KCNK10: variants seen among roughly 807,000 people sequenced by gnomAD.
KCNK10 encodes the protein potassium channel subfamily K member 10.
A neutral mutation model predicts 47.7 loss-of-function variants in KCNK10; 25 were observed. That is an observed-to-expected ratio of 0.52 (90% CI 0.38 to 0.73). KCNK10 has a LOEUF of 0.73. KCNK10 is among the 30% of genes least tolerant of loss of function. KCNK10 has a pLI of 0.00. For missense variants in KCNK10, 563 were observed against 714.5 expected (o/e 0.79, Z 2.42); for synonymous variants, 303 against 285.6 (o/e 1.06, Z -0.61).
intron 2 of KCNK10, among the ~76,000 whole-genome samples, chr14:88,253,889 C>T (rs1377402031): frequency 3.9e-5 from 6 of 152,214 alleles, no homozygotes; most frequent in African/African-American, 9.6e-5. Flanking sequence ...CAGAGTGAGA[C>T]GCCATCTTGG....
intron 1 of KCNK10, among the ~76,000 whole-genome samples, chr14:88,276,372 C>A (rs1465821128): frequency 1.3e-5 from 2 of 151,976 alleles, no homozygotes; most frequent in Non-Finnish European, 2.9e-5. Flanking sequence ...GCCTTGATAT[C>A]TTGATCTTCC....
rs1884521614 is a variant in KCNK10, at chr14:88,185,608, T to G, written c.1559A>C (p.Glu520Ala). Residue 520 changes from glutamate to alanine, a missense_variant, in exon 7 of 7, where the codon GAG (glutamate) becomes GCG (alanine). Transcript: ENST00000319231. The surrounding 1 kb of genome is among the most constrained non-coding windows in gnomAD (Gnocchi z 4.3). ...GGTGTCCGTGGGTATCATTCCGTTC[T>G]CCAACTCAGCGTGCTGCTGGATACA... Reference protein sequence around the residue: ...TDCIQQHAELENGMIPTDTKD... With the variant: ...TDCIQQHAELANGMIPTDTKD... 1.2e-6 allele frequency: 2 copies of G among 1,614,060 alleles called. No homozygotes were observed. The highest frequency in any genetic ancestry group is 1.7e-6 in the Non-Finnish European group (2 of 1,180,036).
chr14:88,298,962 C>T (rs1888041661), intron 1 of KCNK10, among the ~76,000 whole-genome samples: 1 of 152,144 alleles, frequency 6.6e-6, no homozygotes, highest in South Asian at 2.1e-4. Flanking sequence ...CACCCTCCAT[C>T]ACTGCCTTTT....
At position 88,293,702 on chromosome 14, in the gene KCNK10, T is replaced by A. The variant is rs188705737; in HGVS notation, c.52+29045A>T. 4.6e-3 allele frequency among the ~76,000 whole-genome samples: 698 copies of A among 151,896 alleles called. 4 individuals carry two copies. Among genetic ancestry groups the A allele is most frequent in the Non-Finnish European group, 8.4e-3 (569 of 67,984 alleles). Reference sequence around the variant, plus strand: ...TCCTTCTTCTTTTTTATGGACAGAGTCTTGCTCTGTTTACCCAGGCTAGTG... The same window carrying A: ...TCCTTCTTCTTTTTTATGGACAGAGACTTGCTCTGTTTACCCAGGCTAGTG... On this transcript the variant is annotated intron_variant, in intron 1 of 6. Transcript: ENST00000319231.
At chr14:88,321,121 C>G (rs2139808770) in intron 1 of KCNK10, among the ~76,000 whole-genome samples, 1 of 152,338 alleles carries the variant, frequency 6.6e-6, no homozygotes, top group African/African-American at 2.4e-5. Flanking sequence ...AATACCTCTT[C>G]ACTCACTCTG....
At chr14:88,205,385 A>G (rs1885235226) in intron 4 of KCNK10, among the ~76,000 whole-genome samples, 1 of 151,920 alleles carries the variant, frequency 6.6e-6, no homozygotes. Flanking sequence ...TCTGCTGTCC[A>G]TGTTCCTTCA....
chr14:88,202,789 G>C (rs1187329038), intron 4 of KCNK10, among the ~76,000 whole-genome samples: 5 of 151,808 alleles, frequency 3.3e-5, no homozygotes. Flanking sequence ...TCTTCCGGTT[G>C]CGGGGGGTGG....
chr14:88,244,178 C>A (rs915854317), intron 2 of KCNK10, among the ~76,000 whole-genome samples: 7 of 152,036 alleles, frequency 4.6e-5, no homozygotes, highest in African/African-American at 1.7e-4. Context: ...TGGCAAACAA[C>A]CAGAATTCAA....
In KCNK10 at chr14:88,183,921, C is replaced by T. The variant is rs909864376; in HGVS notation, c.*1614G>A. On this transcript the variant is annotated 3_prime_UTR_variant, in exon 7 of 7. Coordinates refer to ENST00000319231, the MANE Select transcript of KCNK10 (RefSeq NM_138317.3). Reference sequence around the variant, plus strand: ...GTAAATCCACACTGCGGGTTAGTTACGTAAAATCCCGTGAACTCTGTAAAA... The same window carrying T: ...GTAAATCCACACTGCGGGTTAGTTATGTAAAATCCCGTGAACTCTGTAAAA... The T allele has an allele frequency of 2.6e-5, 4 of 152,312 alleles. No individual in the cohort carries two copies. In the East Asian group the frequency reaches 5.6e-4, roughly 21 times the overall value. 9.4% of individuals were successfully genotyped at this position (152,312 alleles called of 1,614,324 possible). A position where few individuals can be genotyped will look rare whatever the true frequency, so the allele number is the denominator to read the frequency against.
chr14:88,247,838 G>A (rs1886688051), intron 2 of KCNK10, among the ~76,000 whole-genome samples: 1 of 152,134 alleles, frequency 6.6e-6, no homozygotes, highest in South Asian at 2.1e-4. Flanking sequence ...GGCCATATTT[G>A]GGGGCACTCT....
intron 2 of KCNK10, among the ~76,000 whole-genome samples, chr14:88,241,520 G>A (rs1027914270): frequency 1.4e-5 from 2 of 146,790 alleles, no homozygotes; most frequent in African/African-American, 2.5e-5. Flanking sequence ...CACACACATC[G>A]CTCTTTTTAA....
In KCNK10 at chr14:88,227,426, T is replaced by C. The variant is rs751148788; in HGVS notation, c.630A>G (p.Gln210=). The change falls in exon 4 of 7, where the codon CAA becomes CAG. Residue 210 remains glutamine, a synonymous_variant. Transcript: ENST00000319231. ...FGFLLAGIGD[Q]LGTIFGKSIA... ...TGCTTTTCCCAAAGATGGTTCCAAG[T>C]TGGTCTCCAATTCCAGCCAATAAGA... 2 of 1,613,696 alleles carry C rather than the reference T, an allele frequency of 1.2e-6. No homozygotes were observed. The highest frequency in any genetic ancestry group is 1.3e-5 in the African/African-American group (1 of 74,990).
At chr14:88,256,629 G>A (rs756611304) in intron 2 of KCNK10, among the ~76,000 whole-genome samples, 25 of 152,088 alleles carry the variant, frequency 1.6e-4, no homozygotes, top group Non-Finnish European at 2.9e-4. Flanking sequence ...CTCTGGGAGC[G>A]ACTTCTGTGA....
intron 2 of KCNK10, among the ~76,000 whole-genome samples, chr14:88,256,299 C>T (rs1369663018): frequency 2.6e-5 from 4 of 152,174 alleles, no homozygotes; most frequent in Non-Finnish European, 4.4e-5. Context: ...CCCTTTCACT[C>T]GGTCACACCT....
chr14:88,316,910 T>A (rs192700947), intron 1 of KCNK10, among the ~76,000 whole-genome samples: 6 of 152,332 alleles, frequency 3.9e-5, no homozygotes, highest in African/African-American at 1.4e-4. Flanking sequence ...GGGGAAAGAC[T>A]ATATTATATT....
At chr14:88,204,570 C>G (rs116421334) in intron 4 of KCNK10, among the ~76,000 whole-genome samples, 1,680 of 143,030 alleles carry the variant, frequency 0.012, 32 homozygotes, top group African/African-American at 0.042. Context: ...CCCCACCCCC[C>G]GCCATTTCCC....
rs535074489 is a variant in KCNK10, at chr14:88,262,863, C to T, written c.402+339G>A. 1.2e-3 allele frequency among the ~76,000 whole-genome samples: 183 copies of T among 152,264 alleles called. 1 individual carries two copies. The highest frequency in any genetic ancestry group is 3.4e-3 in the Middle Eastern group (1 of 294). ...GCATATTTAAAATTCTTTCCTTCTT[C>T]GGGTTCTATCCCAGCATTCCACAGA... On this transcript the variant is annotated intron_variant, in intron 2 of 6. Coordinates refer to ENST00000319231, the MANE Select transcript of KCNK10 (RefSeq NM_138317.3).
chr14:88,280,186 C>G (rs1368405667), intron 1 of KCNK10, among the ~76,000 whole-genome samples: 1 of 152,192 alleles, frequency 6.6e-6, no homozygotes, highest in Non-Finnish European at 1.5e-5. Flanking sequence ...GCTACCGACA[C>G]AGGGGACACC....
chr14:88,326,613 G>T (rs911766962), upstream of KCNK10: 20 of 613,288 alleles, frequency 3.3e-5, no homozygotes, highest in Middle Eastern at 4.3e-4. Flanking sequence ...CCCTGCACTC[G>T]CCGGCCCCCA....
Sources: gnomAD v4.1 joint callset for allele counts (sites outside exome capture counted in the v4.1 genomes callset) on GRCh38, gnomAD v4.1.1 for gene constraint, Gnocchi (gnomAD v3.1) non-coding constraint, MANE v1.5 for transcripts, NCBI Gene and HGNC (gene_info 2026-07-23, HGNC 2026-07-21) for gene names.